The following NFATC2 variants were observed in gnomAD, a reference collection of about 807,000 sequenced individuals.
NFATC2 encodes the protein nuclear factor of activated T cells 2.
Under a neutral mutation model 87.3 loss-of-function variants are expected in NFATC2, and 22 were observed. The observed-to-expected ratio is 0.25, with a 90% CI of 0.18 to 0.36. NFATC2 has a LOEUF of 0.36. Ranked by LOEUF, NFATC2 falls within the 10% of genes least tolerant of loss-of-function variation. The pLI is 1.00. For missense variants in NFATC2, 1,149 were observed against 1,259.1 expected (o/e 0.91, Z 1.32); for synonymous variants, 565 against 542.2 (o/e 1.04, Z -0.58).
At chr20:51,508,913 C>T (rs2076228865) in intron 3 of NFATC2, among the ~76,000 whole-genome samples, 1 of 152,158 alleles carries the variant, frequency 6.6e-6, no homozygotes, top group Admixed American at 6.5e-5. Flanking sequence ...TGTCCACACC[C>T]CAGCAGAGGG....
chr20:51,436,902 C>T (rs1405870206), intron 6 of NFATC2, among the ~76,000 whole-genome samples: 1 of 152,168 alleles, frequency 6.6e-6, no homozygotes, highest in Non-Finnish European at 1.5e-5. Context: ...GATGCGGCCC[C>T]AAGTCATGAG....
intron 9 of NFATC2, among the ~76,000 whole-genome samples, chr20:51,426,982 T>C (rs1981930013): frequency 6.6e-6 from 1 of 152,150 alleles, no homozygotes; most frequent in African/African-American, 2.4e-5. Context: ...CACATCAATA[T>C]ACTCTCTCTC....
In NFATC2 at chr20:51,387,272, C is replaced by T. The variant is rs1985866753; in HGVS notation, c.*4224G>A. ...TTGTCCCAACAGCCATAGCCTCGGT[C>T]TGCTCAGGCCAATCAGAATGCTGTG... On this transcript the variant is annotated 3_prime_UTR_variant, in exon 11 of 11. Transcript: ENST00000371564. 6.6e-6 allele frequency: 1 copy of T among 152,216 alleles called. No individual in the cohort carries two copies. The highest frequency in any genetic ancestry group is 1.5e-5 in the Non-Finnish European group (1 of 68,046). 9.4% of individuals were successfully genotyped at this position (152,216 alleles called of 1,614,324 possible). A position where few individuals can be genotyped will look rare whatever the true frequency, so the allele number is the denominator to read the frequency against.
At chr20:51,541,673 C>G (rs1181561352) in intron 1 of NFATC2, among the ~76,000 whole-genome samples, 1 of 152,196 alleles carries the variant, frequency 6.6e-6, no homozygotes, top group Non-Finnish European at 1.5e-5. Flanking sequence ...CGTAGAAGAT[C>G]ACTTAATATA....
rs142589970 is a variant in NFATC2, at chr20:51,411,576, C to T, written c.2723-12846G>A. ...AGAGTCTTGCTCTTTCTCCCAGGCT[C>T]GTGTGCAGTAGCACAGTCTCAGCTC... On this transcript the variant is annotated intron_variant, in intron 9 of 10. Transcript: ENST00000371564. Among the ~76,000 whole-genome samples, 1,055 of 131,438 alleles carry T rather than the reference C, an allele frequency of 8.0e-3. 15 individuals carry two copies. The highest frequency in any genetic ancestry group is 0.028 in the African/African-American group (993 of 34,944). The allele number at this position is 131,438 out of a possible 152,430, so 86.2% of individuals were successfully genotyped here. A position where few individuals can be genotyped will look rare whatever the true frequency, so the allele number is the denominator to read the frequency against.
chr20:51,409,805 C>T (rs1304782808), intron 9 of NFATC2, among the ~76,000 whole-genome samples: 4 of 152,170 alleles, frequency 2.6e-5, no homozygotes, highest in Non-Finnish European at 1.5e-5. Context: ...ACAAAGATGG[C>T]AAAGAGAACA....
intron 10 of NFATC2, among the ~76,000 whole-genome samples, chr20:51,394,753 A>ACT (rs1986812221): frequency 7.1e-6 from 1 of 140,042 alleles, no homozygotes; most frequent in Non-Finnish European, 1.5e-5. Flanking sequence ...GTGCTGAACC[A>ACT]CTCTCCTGTA....
intron 1 of NFATC2, among the ~76,000 whole-genome samples, chr20:51,554,948 A>G (rs999113798): frequency 3.3e-5 from 5 of 152,118 alleles, no homozygotes; most frequent in African/African-American, 9.7e-5. Flanking sequence ...CATAGGATTG[A>G]TGGCATCTAC....
rs779628848 is a variant in NFATC2 at position 51,424,999 on chromosome 20, CAGA to C, written c.2722+7065_2722+7067del. ...CCTGCAAAGGGCTATGGTACATGAACAGACACATTGTGTGTCTATAGCACTGAC... is the reference window on the plus strand; with the variant it reads ...CCTGCAAAGGGCTATGGTACATGAACCACATTGTGTGTCTATAGCACTGAC... On this transcript the variant is annotated intron_variant, in intron 9 of 10. Transcript: ENST00000371564. Among the ~76,000 whole-genome samples the C allele has an allele frequency of 2.0e-5, 3 of 151,974 alleles. No homozygotes were observed. In the East Asian group the frequency reaches 5.8e-4, roughly 29 times the overall value.
intron 3 of NFATC2, among the ~76,000 whole-genome samples, chr20:51,502,832 A>G (rs2076112813): frequency 6.6e-6 from 1 of 152,232 alleles, no homozygotes; most frequent in Non-Finnish European, 1.5e-5. Context: ...AATGTCAAAT[A>G]GGAACATGGG....
In NFATC2 at chr20:51,523,362, C is replaced by T. The variant is rs750167574; in HGVS notation, c.879G>A (p.Gly293=). The change falls in exon 2 of 11, where the codon GGG becomes GGA. Residue 293 remains glycine, a synonymous_variant. Coordinates refer to ENST00000371564, the MANE Select transcript of NFATC2 (RefSeq NM_012340.5). This position sits in a 1 kb window ranked among gnomAD's most constrained non-coding sequence, Gnocchi z 6.9. ...CGGCAGAGCCAGCCACAGGGGGGTA[C>T]CCAGCCGGGGAGCCGTGGTCCTGGG... ...VAPQDHGSPA[G]YPPVAGSAVI... is the part of the protein sequence containing the mutation. The T allele has an allele frequency of 1.9e-6, 3 of 1,611,564 alleles. No homozygotes were observed. Among genetic ancestry groups the T allele is most frequent in the Admixed American group, 1.7e-5 (1 of 59,770 alleles).
At chr20:51,391,958 T>C (rs1021469887) in intron 10 of NFATC2, among the ~76,000 whole-genome samples, 1 of 152,242 alleles carries the variant, frequency 6.6e-6, no homozygotes, top group Non-Finnish European at 1.5e-5. Flanking sequence ...ATTGCTCAAA[T>C]GGTAACTTTT....
chr20:51,527,050 C>T (rs533073681), intron 1 of NFATC2, among the ~76,000 whole-genome samples: 1 of 151,750 alleles, frequency 6.6e-6, no homozygotes, highest in African/African-American at 2.4e-5. Context: ...CAGTGCACAC[C>T]ACCGGGCTCA....
At position 51,412,986 on chromosome 20, in the gene NFATC2, C is replaced by T. The variant is rs1281501678; in HGVS notation, c.2723-14256G>A. On this transcript the variant is annotated intron_variant, in intron 9 of 10. Coordinates refer to ENST00000371564, the MANE Select transcript of NFATC2 (RefSeq NM_012340.5). ...CACCGACCCCGGCCCCCCCATCCCC[C>T]GCTCCCGCCGCCCCCCCCCCTCCCC... is the stretch of plus-strand genomic sequence containing the variant. Among the ~76,000 whole-genome samples the T allele has an allele frequency of 2.1e-4, 7 of 34,048 alleles. 1 individual carries two copies. The highest frequency in any genetic ancestry group is 3.0e-4 in the Admixed American group (1 of 3,312). 22.3% of individuals were successfully genotyped at this position (34,048 alleles called of 152,430 possible).
chr20:51,435,994 T>C (rs1983507755), intron 6 of NFATC2, among the ~76,000 whole-genome samples: 1 of 152,078 alleles, frequency 6.6e-6, no homozygotes, highest in African/African-American at 2.4e-5. Flanking sequence ...CTAAGCAAAT[T>C]AAGGCAGGAA....
chr20:51,545,783 T>C (rs566649241), upstream of NFATC2, among the ~76,000 whole-genome samples: 1 of 151,946 alleles, frequency 6.6e-6, no homozygotes, highest in Admixed American at 6.6e-5. Context: ...GATGGACGGA[T>C]GGATGGAGGA....
Position 51,542,010 on chromosome 20 carries a change from C to A in NFATC2, c.130+360G>T, listed in dbSNP as rs548592326. Among the ~76,000 whole-genome samples, 5 of 152,318 alleles carry A rather than the reference C, an allele frequency of 3.3e-5. No individual in the cohort carries two copies. In the East Asian group the frequency reaches 9.7e-4, roughly 29 times the overall value. On this transcript the variant is annotated intron_variant, in intron 1 of 10. Transcript: ENST00000371564. ...CTTCCTCACCTCCTCCCTCCAAAGG[C>A]ACAGAAATCATGTCCCTTGCCCTTT...
intron 1 of NFATC2, among the ~76,000 whole-genome samples, chr20:51,552,494 A>G (rs1024626382): frequency 2.0e-5 from 3 of 152,192 alleles, no homozygotes; most frequent in Non-Finnish European, 4.4e-5. Context: ...ATCATCTCCT[A>G]CAGAGTCTTT....
chr20:51,538,335 T>G (rs140600331), intron 1 of NFATC2, among the ~76,000 whole-genome samples: 33 of 152,068 alleles, frequency 2.2e-4, no homozygotes, highest in African/African-American at 7.7e-4. Context: ...TTTCCATAGA[T>G]GCTAAAAAAG....
Sources: gnomAD v4.1 joint callset for allele counts (sites outside exome capture counted in the v4.1 genomes callset) on GRCh38, gnomAD v4.1.1 for gene constraint, Gnocchi (gnomAD v3.1) non-coding constraint, MANE v1.5 for transcripts, NCBI Gene and HGNC (gene_info 2026-07-23, HGNC 2026-07-21) for gene names.